Variants in CNTNAP2 observed in about 807,000 individuals in gnomAD.
The protein encoded by CNTNAP2 is contactin-associated protein-like 2.
A neutral mutation model predicts 155.2 loss-of-function variants in CNTNAP2; 98 were observed. The observed-to-expected ratio is 0.63, with a 90% CI of 0.54 to 0.75. CNTNAP2 has a LOEUF of 0.75. Among genes scored for constraint, CNTNAP2 ranks in the 30% least tolerant of loss-of-function variants. The probability of loss-of-function intolerance (pLI) is 0.00; values close to 1 mark genes in which losing one functional copy is unlikely to be tolerated. For missense variants in CNTNAP2, 1,727 were observed against 1,688.1 expected (o/e 1.02, Z -0.40); for synonymous variants, 651 against 631.2 (o/e 1.03, Z -0.47).
intron 20 of CNTNAP2, among the ~76,000 whole-genome samples, chr7:148,230,187 A>G (rs1112416): frequency 0.92 from 140,753 of 152,240 alleles, 65,872 homozygotes; most frequent in East Asian, 1. Flanking sequence ...AACACAATAC[A>G]AAGAGCTGTA....
chr7:147,493,453 T>C (rs1798643684), intron 11 of CNTNAP2, among the ~76,000 whole-genome samples: 1 of 152,130 alleles, frequency 6.6e-6, no homozygotes, highest in Admixed American at 6.5e-5. Context: ...GGGATCCAAC[T>C]GCAGGACCAC....
At chr7:148,198,791 G>A (rs1000326189) in intron 18 of CNTNAP2, among the ~76,000 whole-genome samples, 3 of 152,248 alleles carry the variant, frequency 2.0e-5, no homozygotes, top group African/African-American at 7.2e-5. Context: ...TCAACTGAGA[G>A]AAAACATATT....
At chr7:148,059,636 G>T (rs1040375312) in intron 15 of CNTNAP2, among the ~76,000 whole-genome samples, 1 of 149,122 alleles carries the variant, frequency 6.7e-6, no homozygotes. Flanking sequence ...TCATCATGCT[G>T]TATACTTATA....
intron 1 of CNTNAP2, among the ~76,000 whole-genome samples, chr7:146,494,389 T>A (rs2129131857): frequency 6.6e-6 from 1 of 151,946 alleles, no homozygotes; most frequent in African/African-American, 2.4e-5. Context: ...AAATGCTTTG[T>A]ATGTAGTAAA....
chr7:146,828,170 G>C (rs978242341), intron 2 of CNTNAP2, among the ~76,000 whole-genome samples: 2 of 151,870 alleles, frequency 1.3e-5, no homozygotes, highest in Admixed American at 1.3e-4. Context: ...ACCAGGAGAG[G>C]TATTTATAGT....
chr7:147,775,282 TAA>T (rs1431046731), intron 13 of CNTNAP2, among the ~76,000 whole-genome samples: 38 of 94,014 alleles, frequency 4.0e-4, no homozygotes, highest in Admixed American at 1.1e-3. Context: ...TATATATTTA[TAA>T]ATATATATAT....
intron 22 of CNTNAP2, among the ~76,000 whole-genome samples, chr7:148,394,460 T>G (rs1799421798): frequency 6.6e-6 from 1 of 152,170 alleles, no homozygotes; most frequent in Non-Finnish European, 1.5e-5. Context: ...TTTTCTGAGT[T>G]TTTTTTCCCA....
At chr7:146,727,705 A>G (rs1184814479) in intron 1 of CNTNAP2, among the ~76,000 whole-genome samples, 1 of 152,214 alleles carries the variant, frequency 6.6e-6, no homozygotes, top group Non-Finnish European at 1.5e-5. Context: ...TCTCAAATCT[A>G]TAATAGCAAG....
At chr7:146,362,139 T>A (rs59107181) in intron 1 of CNTNAP2, among the ~76,000 whole-genome samples, 2,189 of 152,304 alleles carry the variant, frequency 0.014, 46 homozygotes, top group African/African-American at 0.05. Context: ...TTGGAAATTT[T>A]ACTTTATTTT....
chr7:147,619,067 A>T (rs745784710), intron 12 of CNTNAP2, among the ~76,000 whole-genome samples: 1 of 152,204 alleles, frequency 6.6e-6, no homozygotes, highest in Non-Finnish European at 1.5e-5. Flanking sequence ...CAGTATTTAC[A>T]ACAAAATAAA....
intron 1 of CNTNAP2, among the ~76,000 whole-genome samples, chr7:146,319,760 AT>A (rs577956006): frequency 9.9e-5 from 15 of 152,218 alleles, no homozygotes; most frequent in Admixed American, 2.0e-4. Context: ...GTGAAAACAG[AT>A]TTCTGTGTAG....
At chr7:147,937,044 T>TCAC (rs151046019) in intron 14 of CNTNAP2, among the ~76,000 whole-genome samples, 34,608 of 150,278 alleles carry the variant, frequency 0.23, 5,276 homozygotes, top group East Asian at 0.57. Context: ...CCTCACCCCC[T>TCAC]CACCACCACC....
intron 1 of CNTNAP2, among the ~76,000 whole-genome samples, chr7:146,635,011 C>T (rs1799574449): frequency 6.6e-6 from 1 of 152,016 alleles, no homozygotes; most frequent in Non-Finnish European, 1.5e-5. Context: ...TTAAACTAGT[C>T]ATGTATTTTC....
chr7:147,128,265 C>A (rs1334413330), intron 6 of CNTNAP2, among the ~76,000 whole-genome samples: 1 of 152,136 alleles, frequency 6.6e-6, no homozygotes, highest in African/African-American at 2.4e-5. Flanking sequence ...CTTTGGGCTG[C>A]AGTTTTATCA....
chr7:147,647,545 A>G (rs1484817856), intron 13 of CNTNAP2, among the ~76,000 whole-genome samples: 2 of 152,132 alleles, frequency 1.3e-5, no homozygotes, highest in Non-Finnish European at 2.9e-5. Flanking sequence ...TCTATCACTT[A>G]GCAGTTGATT....
intron 1 of CNTNAP2, among the ~76,000 whole-genome samples, chr7:146,339,436 T>C (rs1801335966): frequency 6.6e-6 from 1 of 152,148 alleles, no homozygotes; most frequent in Non-Finnish European, 1.5e-5. Flanking sequence ...AATTATTCCA[T>C]AGTGACATGT....
chr7:147,505,361 G>A (rs966656931), intron 11 of CNTNAP2, among the ~76,000 whole-genome samples: 4 of 147,270 alleles, frequency 2.7e-5, no homozygotes, highest in African/African-American at 1.1e-4. Context: ...ACAATAAAAT[G>A]TTGCCATGCG....
chr7:146,956,344 G>A (rs1302768291), intron 3 of CNTNAP2, among the ~76,000 whole-genome samples: 1 of 152,042 alleles, frequency 6.6e-6, no homozygotes, highest in Non-Finnish European at 1.5e-5. Flanking sequence ...CCATCAAGTT[G>A]CATCTCTCTA....
intron 10 of CNTNAP2, among the ~76,000 whole-genome samples, chr7:147,425,998 A>G (rs929563761): frequency 2.0e-5 from 3 of 152,156 alleles, no homozygotes; most frequent in Admixed American, 1.3e-4. Flanking sequence ...GTATAGTTCT[A>G]TGTCATTTCC....
Sources: allele counts gnomAD v4.1 joint callset (sites outside exome capture counted in the v4.1 genomes callset), GRCh38; gene constraint gnomAD v4.1.1; transcripts MANE v1.5; gene names NCBI Gene and HGNC (gene_info 2026-07-23, HGNC 2026-07-21).